The following SLC35F3 variants were observed in gnomAD, a reference collection of about 807,000 sequenced individuals.
SLC35F3 encodes solute carrier family 35 member F3, also known as putative thiamine transporter SLC35F3.
Under a neutral mutation model 49.9 loss-of-function variants are expected in SLC35F3, and 25 were observed. The ratio of observed to expected loss-of-function variants is 0.50; its 90% CI spans 0.37 to 0.70. SLC35F3 has a LOEUF of 0.70. Among genes scored for constraint, SLC35F3 ranks in the 30% least tolerant of loss-of-function variants. SLC35F3 has a pLI of 0.00. For missense variants in SLC35F3, 525 were observed against 639.8 expected (o/e 0.82, Z 1.94); for synonymous variants, 275 against 265.4 (o/e 1.04, Z -0.35).
chr1:234,076,221 A>G (rs974838938), intron 2 of SLC35F3, among the ~76,000 whole-genome samples: 18 of 148,252 alleles, frequency 1.2e-4, no homozygotes, highest in African/African-American at 4.4e-4. Flanking sequence ...AGGTGGTACC[A>G]ATACATTTTA....
At chr1:234,186,241 C>G (rs1666641921) in intron 2 of SLC35F3, among the ~76,000 whole-genome samples, 1 of 151,634 alleles carries the variant, frequency 6.6e-6, no homozygotes, top group Non-Finnish European at 1.5e-5. Flanking sequence ...AAGCATTGCT[C>G]AAGCATGCAG....
intron 2 of SLC35F3, among the ~76,000 whole-genome samples, chr1:234,199,428 T>C (rs1666869349): frequency 6.6e-6 from 1 of 152,186 alleles, no homozygotes; most frequent in African/African-American, 2.4e-5. Context: ...GAAAACTGTA[T>C]GTTCATTCAC....
At chr1:234,202,215 A>C (rs865839749) in intron 2 of SLC35F3, among the ~76,000 whole-genome samples, 3 of 152,314 alleles carry the variant, frequency 2.0e-5, no homozygotes, top group Non-Finnish European at 2.9e-5. Flanking sequence ...ACACATGGAC[A>C]TGTGGTGCAG....
intron 5 of SLC35F3, 122 bp downstream of exon 5, chr1:234,316,849 C>A (rs781702209): frequency 7.9e-7 from 1 of 1,271,074 alleles, no homozygotes; most frequent in South Asian, 1.6e-5. Flanking sequence ...TCAGGACAGG[C>A]AGCTCTAGAT....
chr1:234,234,463 ACT>A (rs1667432105), intron 3 of SLC35F3, among the ~76,000 whole-genome samples: 1 of 152,014 alleles, frequency 6.6e-6, no homozygotes, highest in South Asian at 2.1e-4. Context: ...TTGAAGGCAG[ACT>A]CTGATTCAGT....
chr1:233,932,534 AGAAATCTATC>A (rs1285433350), intron 2 of SLC35F3, among the ~76,000 whole-genome samples: 4 of 152,224 alleles, frequency 2.6e-5, no homozygotes, highest in African/African-American at 9.6e-5. Flanking sequence ...CTGGGGTGGC[AGAAATCTATC>A]ATCTTCTGGG....
At chr1:234,306,728 G>C (rs1447544931) in intron 3 of SLC35F3, among the ~76,000 whole-genome samples, 2 of 152,010 alleles carry the variant, frequency 1.3e-5, no homozygotes, top group Non-Finnish European at 2.9e-5. Flanking sequence ...AGCAACTTGG[G>C]CCATCAATAC....
chr1:233,967,642 C>T (rs1010676027), intron 2 of SLC35F3, among the ~76,000 whole-genome samples: 3 of 152,172 alleles, frequency 2.0e-5, no homozygotes, highest in Admixed American at 2.0e-4. Flanking sequence ...AGAAATATTC[C>T]TCTAGAAACT....
chr1:234,067,616 A>T (rs534621435), intron 2 of SLC35F3, among the ~76,000 whole-genome samples: 5 of 152,286 alleles, frequency 3.3e-5, no homozygotes, highest in African/African-American at 1.2e-4. Flanking sequence ...CTGGCGAAGA[A>T]GCTTGGGTTG....
intron 3 of SLC35F3, among the ~76,000 whole-genome samples, chr1:234,300,119 A>G (rs501664): frequency 0.62 from 93,644 of 152,076 alleles, 29,012 homozygotes; most frequent in Middle Eastern, 0.8. Context: ...CTAAACAGGA[A>G]TCACAATACC....
intron 2 of SLC35F3, among the ~76,000 whole-genome samples, chr1:233,967,953 T>G (rs1662927899): frequency 1.3e-5 from 2 of 152,196 alleles, no homozygotes; most frequent in African/African-American, 4.8e-5. Context: ...TGCGGTGAAT[T>G]GTTTCCCCAG....
At chr1:234,070,300 C>T (rs561953436) in intron 2 of SLC35F3, among the ~76,000 whole-genome samples, 1 of 152,334 alleles carries the variant, frequency 6.6e-6, no homozygotes, top group African/African-American at 2.4e-5. Context: ...ATGAAGCCTG[C>T]AGGCTGCCTG....
intron 2 of SLC35F3, among the ~76,000 whole-genome samples, chr1:234,146,895 G>A (rs1666005964): frequency 6.6e-6 from 1 of 152,000 alleles, no homozygotes; most frequent in African/African-American, 2.4e-5. Context: ...ATGTGTTTTG[G>A]TGTCTTAGTG....
intron 2 of SLC35F3, among the ~76,000 whole-genome samples, chr1:234,143,291 T>TTCTTTTC (rs200591839): frequency 2.5e-5 from 3 of 118,318 alleles, no homozygotes; most frequent in African/African-American, 1.3e-4. Flanking sequence ...TTCTTTTCTT[T>TTCTTTTC]TTTTTTTTTT....
chr1:234,265,724 C>T (rs886926776), intron 3 of SLC35F3, among the ~76,000 whole-genome samples: 1 of 152,170 alleles, frequency 6.6e-6, no homozygotes, highest in African/African-American at 2.4e-5. Flanking sequence ...ACAGAAGCCT[C>T]CTGTCACTCC....
intron 2 of SLC35F3, among the ~76,000 whole-genome samples, chr1:234,042,665 T>C (rs1017155321): frequency 2.6e-5 from 4 of 152,254 alleles, no homozygotes; most frequent in African/African-American, 9.6e-5. Flanking sequence ...AGTTCCATAA[T>C]CACAACATCC....
chr1:233,935,639 C>T (rs556491658), intron 2 of SLC35F3, among the ~76,000 whole-genome samples: 1 of 152,272 alleles, frequency 6.6e-6, no homozygotes, highest in East Asian at 1.9e-4. Flanking sequence ...TATCTGATCA[C>T]CTCCCACAAG....
intron 4 of SLC35F3, 57 bp from the exon 5 acceptor site, chr1:234,316,545 T>A: frequency 6.4e-7 from 1 of 1,558,318 alleles, no homozygotes; most frequent in South Asian, 1.2e-5. Flanking sequence ...GGCGCTTGCA[T>A]ACTCCCTCTG....
At chr1:234,144,510 G>GTCTT (rs1314733335) in intron 2 of SLC35F3, among the ~76,000 whole-genome samples, 1 of 152,182 alleles carries the variant, frequency 6.6e-6, no homozygotes, top group African/African-American at 2.4e-5. Context: ...AGCCATGTGT[G>GTCTT]TCTTTGCTGT....
Sources: gnomAD v4.1 joint callset for allele counts (sites outside exome capture counted in the v4.1 genomes callset) on GRCh38, gnomAD v4.1.1 for gene constraint, MANE v1.5 for transcripts, NCBI Gene and HGNC (gene_info 2026-07-23, HGNC 2026-07-21) for gene names.